NUDCD1: variants seen among roughly 807,000 people sequenced by gnomAD.
The protein encoded by NUDCD1 is nudC domain-containing protein 1.
In NUDCD1, 60 loss-of-function variants were observed where a neutral mutation model predicts 67.8. That is an observed-to-expected ratio of 0.88 (90% CI 0.72 to 1.10). The LOEUF is 1.10. Ranked by LOEUF, NUDCD1 falls within the 50% of genes least tolerant of loss-of-function variation. The probability of loss-of-function intolerance (pLI) is 0.00; values close to 1 mark genes in which losing one functional copy is unlikely to be tolerated. For synonymous variants in NUDCD1, 244 were observed against 230.8 expected, an observed-to-expected ratio of 1.06 and a Z score of -0.52; for missense variants, 643 against 695.0, an observed-to-expected ratio of 0.93 and a Z score of 0.84.
chr8:109,312,927 C>T (rs896672753), intron 2 of NUDCD1, among the ~76,000 whole-genome samples: 4 of 152,186 alleles, frequency 2.6e-5, no homozygotes, highest in Non-Finnish European at 4.4e-5. Context: ...TATGACCAGG[C>T]CAATATAAGC....
At chr8:109,275,039 C>T (rs1028829020) in intron 7 of NUDCD1, among the ~76,000 whole-genome samples, 1 of 152,018 alleles carries the variant, frequency 6.6e-6, no homozygotes, top group African/African-American at 2.4e-5. Context: ...AATTTTTGTC[C>T]TACCAGCATT....
chr8:109,277,709 T>C (rs144966176), intron 6 of NUDCD1, among the ~76,000 whole-genome samples: 158 of 152,310 alleles, frequency 1.0e-3, no homozygotes, highest in African/African-American at 3.4e-3. Flanking sequence ...TGTTGATGCA[T>C]TGAATGCTGA....
chr8:109,273,525 T>A (rs1024990156), intron 7 of NUDCD1, among the ~76,000 whole-genome samples: 1 of 150,274 alleles, frequency 6.7e-6, no homozygotes, highest in Non-Finnish European at 1.5e-5. Flanking sequence ...GCAAAATATA[T>A]CCCCGGTAAA....
At chr8:109,303,643 T>C (rs1384289186) in intron 2 of NUDCD1, among the ~76,000 whole-genome samples, 2 of 142,312 alleles carry the variant, frequency 1.4e-5, no homozygotes, top group African/African-American at 2.6e-5. Context: ...GCCACCTTTT[T>C]CCCCAGTTAA....
chr8:109,306,105 C>A (rs150993043), intron 2 of NUDCD1, among the ~76,000 whole-genome samples: 2 of 152,274 alleles, frequency 1.3e-5, no homozygotes, highest in African/African-American at 4.8e-5. Flanking sequence ...CTCCTACTCA[C>A]CACTCTCAAC....
chr8:109,251,563 T>C (rs191532710), intron 8 of NUDCD1, among the ~76,000 whole-genome samples: 4 of 152,338 alleles, frequency 2.6e-5, no homozygotes, highest in African/African-American at 7.2e-5. Flanking sequence ...AATATAGTTG[T>C]GCATAAGACT....
At chr8:109,309,576 C>A (rs938430782) in intron 2 of NUDCD1, among the ~76,000 whole-genome samples, 9 of 152,292 alleles carry the variant, frequency 5.9e-5, no homozygotes, top group African/African-American at 1.7e-4. Flanking sequence ...ACTCTTACTA[C>A]TCCTCTTCAA....
At chr8:109,309,668 T>C (rs1815196322) in intron 2 of NUDCD1, among the ~76,000 whole-genome samples, 1 of 152,186 alleles carries the variant, frequency 6.6e-6, no homozygotes, top group South Asian at 2.1e-4. Context: ...AGTCAAACCG[T>C]TGCTGTTTAC....
intron 8 of NUDCD1, among the ~76,000 whole-genome samples, chr8:109,266,232 AT>A (rs143631846): frequency 0.2 from 29,504 of 147,630 alleles, 3,730 homozygotes; most frequent in African/African-American, 0.36. Context: ...ATTAGTAATA[AT>A]TTTTTTTTTT....
intron 5 of NUDCD1, among the ~76,000 whole-genome samples, chr8:109,283,885 A>T (rs1814512081): frequency 6.6e-6 from 1 of 152,104 alleles, no homozygotes. Context: ...CAAAGCAATC[A>T]GTAACAACTT....
intron 2 of NUDCD1, among the ~76,000 whole-genome samples, chr8:109,301,046 A>G (rs1182846598): frequency 1.3e-5 from 2 of 152,196 alleles, no homozygotes; most frequent in Admixed American, 6.5e-5. Flanking sequence ...AGACAAACAA[A>G]TGCCAAGAGA....
At chr8:109,253,140 T>C (rs1813658558) in intron 8 of NUDCD1, among the ~76,000 whole-genome samples, 1 of 152,214 alleles carries the variant, frequency 6.6e-6, no homozygotes, top group Non-Finnish European at 1.5e-5. Context: ...ATGAAGTGTT[T>C]TCTCGAACAG....
At chr8:109,277,052 T>C (rs1202870051) in intron 6 of NUDCD1, among the ~76,000 whole-genome samples, 1 of 152,192 alleles carries the variant, frequency 6.6e-6, no homozygotes, top group East Asian at 1.9e-4. Context: ...AGCTTATACT[T>C]ACCTATATGT....
At chr8:109,265,641 A>G (rs1479623317) in intron 8 of NUDCD1, among the ~76,000 whole-genome samples, 1 of 152,194 alleles carries the variant, frequency 6.6e-6, no homozygotes, top group African/African-American at 2.4e-5. Flanking sequence ...AGTGGTCCCC[A>G]ACTTTTTTGG....
In NUDCD1 at chr8:109,301,857, C is replaced by A. The variant is rs1458886049; in HGVS notation, c.274-5288G>T. ...TTGGTGTTTAATCACTGCAGGGACA[C>A]CTGCCTGATTATTCACCCACACTCC... On this transcript the variant is annotated intron_variant, in intron 2 of 9. Coordinates refer to ENST00000239690, the MANE Select transcript of NUDCD1 (RefSeq NM_032869.4). Among the ~76,000 whole-genome samples the A allele has an allele frequency of 5.3e-5, 8 of 152,368 alleles. No individual in the cohort carries two copies. The East Asian group carries it at 1.4e-3, about 26-fold the overall frequency.
chr8:109,279,598 T>C (rs1814381175), intron 6 of NUDCD1, among the ~76,000 whole-genome samples: 1 of 152,190 alleles, frequency 6.6e-6, no homozygotes. Context: ...AATTTTGATA[T>C]GCAGAAAATG....
chr8:109,251,852 A>G lies in NUDCD1; in HGVS notation c.1300-6371T>C, dbSNP rs1244744711. On this transcript the variant is annotated intron_variant, in intron 8 of 9. Coordinates refer to ENST00000239690, the MANE Select transcript of NUDCD1 (RefSeq NM_032869.4). ...GTTTCTTAATGTGAAAGCTTAAAGTACTAAATTGGGGCACTTTTTTCTTTT... is the reference window on the plus strand; with the variant it reads ...GTTTCTTAATGTGAAAGCTTAAAGTGCTAAATTGGGGCACTTTTTTCTTTT... 2.0e-5 allele frequency among the ~76,000 whole-genome samples: 3 copies of G among 152,156 alleles called. No individual in the cohort carries two copies. The East Asian group carries it at 5.8e-4, about 29-fold the overall frequency.
At chr8:109,245,293 T>A (rs753786072) in intron 9 of NUDCD1, 29 bp downstream of exon 9, 1 of 1,581,362 alleles carries the variant, frequency 6.3e-7, no homozygotes, top group South Asian at 1.2e-5. Flanking sequence ...TCTGATTTCA[T>A]GGAAAATGTC....
intron 2 of NUDCD1, among the ~76,000 whole-genome samples, chr8:109,311,394 C>A (rs1393929300): frequency 6.6e-6 from 1 of 151,842 alleles, no homozygotes; most frequent in Non-Finnish European, 1.5e-5. Flanking sequence ...GTAGAACCTC[C>A]ATTTGATCCA....
Sources: gnomAD v4.1 joint callset for allele counts (sites outside exome capture counted in the v4.1 genomes callset) on GRCh38, gnomAD v4.1.1 for gene constraint, MANE v1.5 for transcripts, NCBI Gene and HGNC (gene_info 2026-07-23, HGNC 2026-07-21) for gene names.